The following NSMCE2 variants were observed in gnomAD, a reference collection of about 807,000 sequenced individuals.
NSMCE2 encodes NSE2 SUMO ligase component of SMC5/6 complex.
In NSMCE2, 24 loss-of-function variants were observed where a neutral mutation model predicts 23.8. That is an observed-to-expected ratio of 1.01 (90% CI 0.73 to 1.42). NSMCE2 has a LOEUF of 1.42. Ranked by LOEUF, NSMCE2 falls within the 40% of genes most tolerant of loss-of-function variation. NSMCE2 has a pLI of 0.00. For synonymous variants in NSMCE2, 92 were observed against 94.1 expected (o/e 0.98, Z 0.13); for missense variants, 284 against 296.5 (o/e 0.96, Z 0.31).
At chr8:125,202,987 G>A (rs1481771776) in intron 5 of NSMCE2, among the ~76,000 whole-genome samples, 6 of 152,174 alleles carry the variant, frequency 3.9e-5, no homozygotes, top group Non-Finnish European at 7.3e-5. Context: ...AAACTGAAGT[G>A]TCAGGAATTG....
At chr8:125,179,000 A>G (rs1013194641) in intron 4 of NSMCE2, among the ~76,000 whole-genome samples, 3 of 152,162 alleles carry the variant, frequency 2.0e-5, no homozygotes, top group African/African-American at 7.2e-5. Flanking sequence ...ATGCCATAGG[A>G]CCCAGCCCTG....
At chr8:125,351,229 A>G (rs532029442) in intron 5 of NSMCE2, among the ~76,000 whole-genome samples, 95 of 152,318 alleles carry the variant, frequency 6.2e-4, no homozygotes, top group African/African-American at 2.1e-3. Flanking sequence ...TTGGGGTCCA[A>G]TCAATGCCCT....
intron 3 of NSMCE2, among the ~76,000 whole-genome samples, chr8:125,107,559 A>G (rs1363006463): frequency 6.6e-6 from 1 of 152,166 alleles, no homozygotes; most frequent in Non-Finnish European, 1.5e-5. Flanking sequence ...GAGGAATACA[A>G]TGATCTATTA....
At chr8:125,215,197 CT>C (rs1243427982) in intron 5 of NSMCE2, among the ~76,000 whole-genome samples, 6 of 144,044 alleles carry the variant, frequency 4.2e-5, no homozygotes, top group South Asian at 2.3e-4. Context: ...CCCCCTCCCC[CT>C]ACCCCACAAC....
intron 5 of NSMCE2, among the ~76,000 whole-genome samples, chr8:125,230,189 G>C (rs1825263958): frequency 1.3e-5 from 2 of 152,174 alleles, no homozygotes; most frequent in Admixed American, 6.5e-5. Context: ...TCCAGACAAA[G>C]AGATTCATCC....
At chr8:125,309,128 T>C (rs1038641054) in intron 5 of NSMCE2, among the ~76,000 whole-genome samples, 8 of 151,034 alleles carry the variant, frequency 5.3e-5, no homozygotes. Flanking sequence ...ATCCCTGTAA[T>C]ACCACCTACT....
intron 7 of NSMCE2, among the ~76,000 whole-genome samples, chr8:125,361,108 T>C (rs1586821055): frequency 6.6e-6 from 1 of 151,930 alleles, no homozygotes; most frequent in East Asian, 1.9e-4. Context: ...CCTTTTTTTT[T>C]TGAGACAGAG....
At chr8:125,224,751 A>G (rs75530622) in intron 5 of NSMCE2, among the ~76,000 whole-genome samples, 2,495 of 152,264 alleles carry the variant, frequency 0.016, 31 homozygotes, top group Middle Eastern at 0.044. Context: ...AGGTAGGTAG[A>G]TAGTGTTATC....
rs1259737994 is a variant in NSMCE2, at chr8:125,306,988, G to A, written c.419-50231G>A. Among the ~76,000 whole-genome samples, 4 of 152,222 alleles carry A rather than the reference G, an allele frequency of 2.6e-5. No homozygotes were observed. The South Asian group carries it at 6.2e-4, about 24-fold the overall frequency. On this transcript the variant is annotated intron_variant, in intron 5 of 7. Transcript: ENST00000287437. Reference sequence around the variant, plus strand: ...AGTAAGCAATTTATAAAGGTTCAATGTTAGTGCTACTACTGAATTATGCCA... The same window carrying A: ...AGTAAGCAATTTATAAAGGTTCAATATTAGTGCTACTACTGAATTATGCCA...
chr8:125,319,521 A>T (rs1310227762), intron 5 of NSMCE2, among the ~76,000 whole-genome samples: 1 of 152,198 alleles, frequency 6.6e-6, no homozygotes, highest in Non-Finnish European at 1.5e-5. Context: ...CATGGAAGGT[A>T]GGTGTGTGTG....
intron 5 of NSMCE2, among the ~76,000 whole-genome samples, chr8:125,248,138 A>T (rs1175041187): frequency 4.6e-5 from 7 of 152,342 alleles, no homozygotes; most frequent in Admixed American, 1.3e-4. Context: ...TGAAGATTTT[A>T]AGATTAAAAA....
chr8:125,215,901 A>G (rs1055298824), intron 5 of NSMCE2, among the ~76,000 whole-genome samples: 1 of 152,218 alleles, frequency 6.6e-6, no homozygotes, highest in Non-Finnish European at 1.5e-5. Flanking sequence ...TGGGCAACAT[A>G]ACGAGACCCT....
At chr8:125,241,833 A>G (rs1251079207) in intron 5 of NSMCE2, among the ~76,000 whole-genome samples, 2 of 152,216 alleles carry the variant, frequency 1.3e-5, no homozygotes, top group Non-Finnish European at 2.9e-5. Flanking sequence ...TTGAGCTGCT[A>G]TGTGTTAGGC....
At chr8:125,111,519 G>A (rs1329455226) in intron 3 of NSMCE2, among the ~76,000 whole-genome samples, 2 of 152,140 alleles carry the variant, frequency 1.3e-5, no homozygotes, top group African/African-American at 4.8e-5. Context: ...ATGTTTTGAG[G>A]CTGGTTGCGG....
At position 125,366,782 on chromosome 8, in the gene NSMCE2, G is replaced by T; in HGVS notation, c.641G>T (p.Gly214Val). 1 of 1,608,300 alleles carries T rather than the reference G, an allele frequency of 6.2e-7. No homozygotes were observed. The change falls in exon 8 of 8, where the codon GGC (glycine) becomes GTC (valine). Residue 214 changes from glycine to valine, a missense_variant. Physicochemically the swap from Gly to Val is moderately radical, Grantham distance 109. Coordinates refer to ENST00000287437, the MANE Select transcript of NSMCE2 (RefSeq NM_173685.4). Reference protein sequence around the residue: ...RKKKAYCPQIGCSHTDIRKSD... With the variant: ...RKKKAYCPQIVCSHTDIRKSD... ...CTTTCTCACAGTTGCCCTCAAATTG[G>T]CTGTAGCCACACGGATATAAGAAAG...
At chr8:125,356,084 T>C (rs1813262198) in intron 5 of NSMCE2, among the ~76,000 whole-genome samples, 1 of 152,158 alleles carries the variant, frequency 6.6e-6, no homozygotes, top group South Asian at 2.1e-4. Flanking sequence ...TGAGTGAATT[T>C]TCCCAGAGAC....
At chr8:125,334,916 C>T (rs1012069057) in intron 5 of NSMCE2, among the ~76,000 whole-genome samples, 2 of 151,106 alleles carry the variant, frequency 1.3e-5, no homozygotes, top group African/African-American at 2.4e-5. Flanking sequence ...CCACCACACC[C>T]GGCTAATCTT....
chr8:125,330,099 G>A lies in NSMCE2; in HGVS notation c.419-27120G>A, dbSNP rs565283771. On this transcript the variant is annotated intron_variant, in intron 5 of 7. Transcript: ENST00000287437. ...AGGGAACAGGTAGCTTTACAGATTC[G>A]GGGCACGTCGCTTTCAGAAGGATGG... Among the ~76,000 whole-genome samples, 121 of 152,190 alleles carry A rather than the reference G, an allele frequency of 8.0e-4. 1 individual carries two copies. The highest frequency in any genetic ancestry group is 6.5e-3 in the Admixed American group (99 of 15,282).
intron 5 of NSMCE2, among the ~76,000 whole-genome samples, chr8:125,208,281 G>T (rs1418988998): frequency 1.3e-5 from 2 of 152,174 alleles, no homozygotes; most frequent in Non-Finnish European, 2.9e-5. Context: ...AAAAGAGAGT[G>T]TAACATAAAT....
Sources: gnomAD v4.1 joint callset for allele counts (sites outside exome capture counted in the v4.1 genomes callset) on GRCh38, gnomAD v4.1.1 for gene constraint, MANE v1.5 for transcripts, NCBI Gene and HGNC (gene_info 2026-07-23, HGNC 2026-07-21) for gene names.